KRT5: variants seen among roughly 807,000 people sequenced by gnomAD.
KRT5 encodes keratin 5.
A neutral mutation model predicts 44.0 loss-of-function variants in KRT5; 17 were observed. The observed-to-expected ratio is 0.39, with a 90% CI of 0.26 to 0.58. The LOEUF is 0.58. KRT5 is among the 20% of genes least tolerant of loss of function. The pLI, the probability that KRT5 is intolerant of heterozygous loss-of-function variation, is 0.61. For missense variants in KRT5, 737 were observed against 785.5 expected, an observed-to-expected ratio of 0.94 and a Z score of 0.74; for synonymous variants, 329 against 312.8, an observed-to-expected ratio of 1.05 and a Z score of -0.55.
At position 52,516,688 on chromosome 12, in the gene KRT5, A is replaced by G. The variant is rs57599352; in HGVS notation, c.1388T>C (p.Leu463Pro). ...GCGGTAAGTGGCGATCTCCACGTCC[A>G]GGGCCAGCTTGGTGTTCATGAGCTC... is the stretch of plus-strand genomic sequence containing the variant. The part of the protein sequence containing the change: ...YQELMNTKLA[L>P]DVEIATYRKL... The change falls in exon 7 of 9, where the codon CTG (leucine) becomes CCG (proline). Residue 463 changes from leucine (L) to proline (P), a missense_variant. Around this residue, in one of 5 missense-constraint regions of KRT5, gnomAD observed 344 missense variants for 351.6 expected, o/e 0.98. Coordinates refer to ENST00000252242, the MANE Select transcript of KRT5 (RefSeq NM_000424.4). 6.2e-7 allele frequency: 1 copy of G among 1,614,192 alleles called. No homozygotes were observed.
intron 7 of KRT5, 70 bp downstream of exon 7, chr12:52,516,567 G>A (rs1227238582): frequency 1.4e-6 from 2 of 1,422,362 alleles, no homozygotes; most frequent in East Asian, 4.5e-5. Flanking sequence ...TATGTGTGTT[G>A]TACACCCCAC....
Position 52,519,176 on chromosome 12 carries a change from G to T in KRT5, c.556-16C>A. ...GGAACCGCACCTGGAGGGGAGCAGG[G>T]TTTGAAGATAGAGAAACTTGGATTT... On this transcript the variant is annotated splice_polypyrimidine_tract_variant and intron_variant, in intron 1 of 8. Transcript: ENST00000252242. The T allele has an allele frequency of 6.2e-7, 1 of 1,613,968 alleles. No homozygotes were observed. The highest frequency in any genetic ancestry group is 1.7e-5 in the Admixed American group (1 of 60,012).
intron 8 of KRT5, 62 bp downstream of exon 8, chr12:52,515,736 G>T (rs1592193225): frequency 3.0e-6 from 4 of 1,314,052 alleles, no homozygotes; most frequent in South Asian, 1.2e-5. Context: ...GCAGAATTCT[G>T]AGTTGGCACT....
chr12:52,514,716 T>C lies in KRT5; in HGVS notation c.*226A>G. ...TCTCGTGTCAGCAGGGGCCATGCTG[T>C]GGGAAACCTGAAGGCTGATTTGAAG... On this transcript the variant is annotated 3_prime_UTR_variant, in exon 9 of 9. Transcript: ENST00000252242. 1 of 554,702 alleles carries C rather than the reference T, an allele frequency of 1.8e-6. No homozygotes were observed. Among genetic ancestry groups the C allele is most frequent in the Non-Finnish European group, 3.2e-6 (1 of 313,892 alleles). 34.4% of individuals were successfully genotyped at this position (554,702 alleles called of 1,614,324 possible).
At chr12:52,516,152 G>T (rs1938606778) in intron 7 of KRT5, 1 of 489,378 alleles carries the variant, frequency 2.0e-6, no homozygotes, top group Non-Finnish European at 3.7e-6. Flanking sequence ...TTCTGTGAGA[G>T]AACTTGGCAC....
At chr12:52,515,524 T>TG in intron 8 of KRT5, 1 of 621,764 alleles carries the variant, frequency 1.6e-6, no homozygotes, top group Non-Finnish European at 2.8e-6. Context: ...AGCTAGGTAC[T>TG]GGGGGGAGCT....
At position 52,516,725 on chromosome 12, in the gene KRT5, G is replaced by T. The variant is rs370060795; in HGVS notation, c.1351C>A (p.Arg451Ser). The T allele has an allele frequency of 6.2e-7, 1 of 1,614,036 alleles. No homozygotes were observed. Among genetic ancestry groups the T allele is most frequent in the Non-Finnish European group, 8.5e-7 (1 of 1,180,054 alleles). ...GTGTTCATGAGCTCCTGGTACTCACGCAGCAGCCGGGCCATGTCCTGCTTG... is the reference window on the plus strand; with the variant it reads ...GTGTTCATGAGCTCCTGGTACTCACTCAGCAGCCGGGCCATGTCCTGCTTG... Reference protein sequence around the residue: ...KAKQDMARLLREYQELMNTKL... With the variant: ...KAKQDMARLLSEYQELMNTKL... Residue 451 changes from arginine to serine, a missense_variant, in exon 7 of 9, where the codon CGT becomes AGT. This residue lies in a region of KRT5 where 344 missense variants were observed against 351.6 expected (regional missense o/e 0.98). Coordinates refer to ENST00000252242, the MANE Select transcript of KRT5 (RefSeq NM_000424.4).
Position 52,520,031 on chromosome 12 carries a change from G to A in KRT5, c.266C>T (p.Ala89Val), listed in dbSNP as rs1252446552. Residue 89 changes from alanine (A) to valine (V), a missense_variant, in exon 1 of 9, where the codon GCT becomes GTT. Around this residue, in one of 5 missense-constraint regions of KRT5, gnomAD observed 326 missense variants for 333.1 expected, o/e 0.98. Coordinates refer to ENST00000252242, the MANE Select transcript of KRT5 (RefSeq NM_000424.4). ...SGGSFRNRFG[A>V]GAGGGYGFGG... Reference sequence around the variant, plus strand: ...AAAGCCATAGCCGCCTCCAGCACCAGCACCAAACCGGTTCCTGAAGCTGCC... The same window carrying A: ...AAAGCCATAGCCGCCTCCAGCACCAACACCAAACCGGTTCCTGAAGCTGCC... 2 of 1,613,922 alleles carry A rather than the reference G, an allele frequency of 1.2e-6. No individual in the cohort carries two copies. Among genetic ancestry groups the A allele is most frequent in the South Asian group, 1.1e-5 (1 of 91,064 alleles).
intron 8 of KRT5, 89 bp downstream of exon 8, chr12:52,515,709 G>C (rs995344170): frequency 9.3e-7 from 1 of 1,077,112 alleles, no homozygotes; most frequent in Non-Finnish European, 1.4e-6. Context: ...GATGGGAAAA[G>C]TTTGGATCTA....
In KRT5 at chr12:52,517,628, G is replaced by A. The variant is rs59112594; in HGVS notation, c.1054C>T (p.Arg352Cys). The change falls in exon 5 of 9, where the codon CGC (arginine) becomes TGC (cysteine). Residue 352 changes from arginine (R) to cysteine (C), a missense_variant. Arg to Cys is a radical substitution (Grantham distance 180). Coordinates refer to ENST00000252242, the MANE Select transcript of KRT5 (RefSeq NM_000424.4). ...VKAQYEEIAN[R>C]SRTEAESWYQ... ...CAGGACTCGGCTTCTGTCCGGCTGC[G>A]GTTGGCAATCTCCTCATACTGGGCC... 2.0e-5 allele frequency: 33 copies of A among 1,614,042 alleles called. No individual in the cohort carries two copies. Among genetic ancestry groups the A allele is most frequent in the African/African-American group, 4.0e-5 (3 of 74,920 alleles).
chr12:52,518,639 C>T (rs992988130), intron 2 of KRT5: 107 of 570,728 alleles, frequency 1.9e-4, no homozygotes, highest in South Asian at 4.3e-4. Context: ...GCCCATGTAC[C>T]GGGGAGGAAA....
At position 52,519,807 on chromosome 12, in the gene KRT5, C is replaced by T; in HGVS notation, c.490G>A (p.Val164Met). Residue 164 changes from valine (V) to methionine (M), a missense_variant, in exon 1 of 9, where the codon GTG becomes ATG. Around this residue, in one of 5 missense-constraint regions of KRT5, gnomAD observed 326 missense variants for 333.1 expected, o/e 0.98. Transcript: ENST00000252242. ...NLQIDPSIQR[V>M]RTEEREQIKT... Reference sequence around the variant, plus strand: ...ATCTGCTCGCGCTCCTCGGTCCTCACCCTCTGGATGCTGGGGTCGATTTGC... The same window carrying T: ...ATCTGCTCGCGCTCCTCGGTCCTCATCCTCTGGATGCTGGGGTCGATTTGC... The T allele has an allele frequency of 6.2e-7, 1 of 1,614,132 alleles. No homozygotes were observed. The highest frequency in any genetic ancestry group is 8.5e-7 in the Non-Finnish European group (1 of 1,180,040).
intron 8 of KRT5, 125 bp from the exon 9 acceptor site, chr12:52,515,365 C>T: frequency 7.4e-7 from 1 of 1,344,420 alleles, no homozygotes; most frequent in Non-Finnish European, 1.1e-6. Context: ...GCAAACAAGG[C>T]CCGGAAGAAC....
rs958606202 is a variant in KRT5 at position 52,518,221 on chromosome 12, T to TTTA, written c.771-61_771-59dup. ...GAGGATGAGCAACAGGTAAGGGGTC[T>TTTA]TTATTATGCAGTCAACTGTAAGCCT... On this transcript the variant is annotated intron_variant, in intron 2 of 8. Coordinates refer to ENST00000252242, the MANE Select transcript of KRT5 (RefSeq NM_000424.4). The TTTA allele has an allele frequency of 1.9e-5, 29 of 1,519,304 alleles. No homozygotes were observed. In the African/African-American group the frequency reaches 3.7e-4, roughly 19 times the overall value. The allele number at this position is 1,519,304 out of a possible 1,614,324, so 94.1% of individuals were successfully genotyped here.
At position 52,517,232 on chromosome 12, in the gene KRT5, A is replaced by G. The variant is rs760767549; in HGVS notation, c.1093T>C (p.Tyr365His). ...CCAGCTGTCTGCTGCAGCTCCTCAT[A>G]CTGATGCAGCCAGGAAAGAGGAAAG... ...TEAESWYQTK[Y>H]EELQQTAGRH... Residue 365 changes from tyrosine (Y) to histidine (H), a missense_variant and splice_region_variant, in exon 6 of 9, where the codon TAT becomes CAT. Around this residue, in one of 5 missense-constraint regions of KRT5, gnomAD observed 344 missense variants for 351.6 expected, o/e 0.98. Transcript: ENST00000252242. 3.1e-6 allele frequency: 5 copies of G among 1,613,870 alleles called. No individual in the cohort carries two copies. The highest frequency in any genetic ancestry group is 1.1e-5 in the South Asian group (1 of 91,084).
chr12:52,518,889 C>T (rs1349813660), intron 2 of KRT5, 57 bp downstream of exon 2: 6 of 1,603,834 alleles, frequency 3.7e-6, no homozygotes, highest in Admixed American at 3.3e-5. Context: ...TAACAAAGCC[C>T]ATCTGGTACC....
rs185885605 is a variant in KRT5, at chr12:52,515,380, A to G, written c.1475-140T>C. ...GCAAACAAGGCCCGGAAGAACTGTC[A>G]TTTAATTAAGGTCCCTAAAAAAGTG... On this transcript the variant is annotated intron_variant, in intron 8 of 8. Transcript: ENST00000252242. 6.8e-4 allele frequency: 857 copies of G among 1,252,836 alleles called. 4 individuals carry two copies. The Middle Eastern group carries it at 9.2e-3, about 13-fold the overall frequency. The allele number at this position is 1,252,836 out of a possible 1,614,324, so 77.6% of individuals were successfully genotyped here.
chr12:52,515,066 C>A lies in KRT5; in HGVS notation c.1649G>T (p.Gly550Val). The A allele has an allele frequency of 6.2e-7, 1 of 1,612,074 alleles. No individual in the cohort carries two copies. Residue 550 changes from glycine (G) to valine (V), a missense_variant, in exon 9 of 9, where the codon GGC becomes GTC. By Grantham distance (109) the Gly-to-Val change is moderately radical. Transcript: ENST00000252242. ...VGLGGGLSVGGSGFSASSGRG... is the reference protein window; with the variant it reads ...VGLGGGLSVGVSGFSASSGRG... ...GCCACTGCTTGCACTGAAGCCAGAG[C>A]CCCCCACACTGAGCCCACCACCTAG...
rs779220016 is a variant in KRT5, at chr12:52,518,026, C to T, written c.832-34G>A. 3.7e-6 allele frequency: 6 copies of T among 1,610,528 alleles called. No individual in the cohort carries two copies. In the South Asian group the frequency reaches 6.6e-5, roughly 18 times the overall value. ...ACAGGGATGATTGGCACTGCACACACCGTCACCCTACTCAAGTGAGCTCCA... is the reference window on the plus strand; with the variant it reads ...ACAGGGATGATTGGCACTGCACACATCGTCACCCTACTCAAGTGAGCTCCA... On this transcript the variant is annotated intron_variant, in intron 3 of 8. Coordinates refer to ENST00000252242, the MANE Select transcript of KRT5 (RefSeq NM_000424.4).
Sources: gnomAD v4.1 joint callset for allele counts on GRCh38, gnomAD v4.1.1 for gene constraint, gnomAD v4.1.1 regional missense constraint, MANE v1.5 for transcripts, NCBI Gene and HGNC (gene_info 2026-07-23, HGNC 2026-07-21) for gene names.